The following TOPBP1 variants were observed in gnomAD, a reference collection of about 807,000 sequenced individuals.
TOPBP1 encodes the protein DNA topoisomerase 2-binding protein 1.
Under a neutral mutation model 167.7 loss-of-function variants are expected in TOPBP1, and 28 were observed. The observed-to-expected ratio is 0.17, with a 90% CI of 0.12 to 0.23. The LOEUF is 0.23. Ranked by LOEUF, TOPBP1 falls within the 10% of genes least tolerant of loss-of-function variation. TOPBP1 has a pLI of 1.00. For missense variants in TOPBP1, 1,554 were observed against 1,809.6 expected, an observed-to-expected ratio of 0.86 and a Z score of 2.56; for synonymous variants, 598 against 611.4, an observed-to-expected ratio of 0.98 and a Z score of 0.32.
At chr3:133,638,191 T>C in intron 13 of TOPBP1, 29 bp from the exon 14 acceptor site, 1 of 1,601,622 alleles carries the variant, frequency 6.2e-7, no homozygotes, top group Non-Finnish European at 8.5e-7. Context: ...AAGAAACAAA[T>C]ATGAGCCACT....
chr3:133,652,962 G>A (rs1936353385), intron 7 of TOPBP1, among the ~76,000 whole-genome samples: 1 of 152,168 alleles, frequency 6.6e-6, no homozygotes, highest in South Asian at 2.1e-4. Context: ...CTACAAAATA[G>A]AAATGGTTTT....
chr3:133,644,774 G>C (rs938901655), intron 10 of TOPBP1, among the ~76,000 whole-genome samples: 3 of 152,190 alleles, frequency 2.0e-5, no homozygotes, highest in Admixed American at 6.5e-5. Context: ...TGTTAACATG[G>C]AAATAACTAT....
At chr3:133,611,215 G>A in intron 24 of TOPBP1, 74 bp from the exon 25 acceptor site, 1 of 1,388,134 alleles carries the variant, frequency 7.2e-7, no homozygotes, top group Non-Finnish European at 9.7e-7. Flanking sequence ...GGCTCCTCAA[G>A]GAGCCCAAAG....
At chr3:133,655,540 T>C (rs1159380192) in intron 5 of TOPBP1, 54 bp from the exon 6 acceptor site, 2 of 1,039,798 alleles carry the variant, frequency 1.9e-6, no homozygotes, top group Non-Finnish European at 1.3e-6. Context: ...AGAAGAATAA[T>C]GAAAAACAAC....
At chr3:133,608,216 A>G (rs1934553496) in intron 27 of TOPBP1, among the ~76,000 whole-genome samples, 1 of 152,198 alleles carries the variant, frequency 6.6e-6, no homozygotes, top group Non-Finnish European at 1.5e-5. Flanking sequence ...GGACCTTTGG[A>G]TAAATGTTTC....
At chr3:133,615,375 G>A (rs1360316050) in intron 23 of TOPBP1, among the ~76,000 whole-genome samples, 2 of 152,208 alleles carry the variant, frequency 1.3e-5, no homozygotes, top group African/African-American at 4.8e-5. Context: ...TACTTGGGAA[G>A]CTGAGGCAGA....
chr3:133,651,045 T>C (rs1936276441), intron 8 of TOPBP1, among the ~76,000 whole-genome samples: 1 of 150,856 alleles, frequency 6.6e-6, no homozygotes, highest in Non-Finnish European at 1.5e-5. Context: ...TGCAGTGAGC[T>C]GAGATCACGC....
chr3:133,619,111 CAA>C (rs71136485), intron 20 of TOPBP1, among the ~76,000 whole-genome samples: 7 of 103,508 alleles, frequency 6.8e-5, no homozygotes, highest in Non-Finnish European at 8.0e-5. Context: ...TGTGGAGAAG[CAA>C]AAAAAAAAAA....
chr3:133,636,081 T>C (rs1304553062), intron 14 of TOPBP1, among the ~76,000 whole-genome samples: 1 of 11,600 alleles, frequency 8.6e-5, no homozygotes, highest in African/African-American at 4.2e-4. Flanking sequence ...AAACTATAGT[T>C]ATTAGAAGTC....
intron 8 of TOPBP1, among the ~76,000 whole-genome samples, chr3:133,650,358 T>G (rs1366291599): frequency 1.2e-5 from 1 of 83,968 alleles, no homozygotes; most frequent in East Asian, 3.4e-4. Context: ...TTAAATTGTG[T>G]GTGTGTGGGG....
At chr3:133,603,962 T>G (rs1046494725) in intron 27 of TOPBP1, among the ~76,000 whole-genome samples, 8 of 151,744 alleles carry the variant, frequency 5.3e-5, no homozygotes, top group Non-Finnish European at 2.9e-5. Context: ...TTAAAAGAAT[T>G]AAAATTATAG....
rs546622898 is a variant in TOPBP1, at chr3:133,625,939, T to A, written c.2805-1764A>T. On this transcript the variant is annotated intron_variant, in intron 16 of 27. Coordinates refer to ENST00000260810, the MANE Select transcript of TOPBP1 (RefSeq NM_007027.4). ...ATAATTCAGAAAAACAGAGGAGTAT[T>A]TTTGCCTGAATCAATTTGGTTTACC... 7.2e-5 allele frequency among the ~76,000 whole-genome samples: 11 copies of A among 152,318 alleles called. No individual in the cohort carries two copies. The East Asian group carries it at 7.7e-4, about 11-fold the overall frequency.
At chr3:133,638,684 A>C (rs1352923094) in intron 13 of TOPBP1, among the ~76,000 whole-genome samples, 2 of 152,216 alleles carry the variant, frequency 1.3e-5, no homozygotes, top group Admixed American at 1.3e-4. Context: ...TGACTCTGAG[A>C]GGTATTCCCA....
chr3:133,633,318 T>C (rs2107800727), intron 14 of TOPBP1, among the ~76,000 whole-genome samples: 1 of 152,332 alleles, frequency 6.6e-6, no homozygotes, highest in Admixed American at 6.5e-5. Flanking sequence ...CTGGCCAATT[T>C]TCTATTCTCA....
intron 10 of TOPBP1, among the ~76,000 whole-genome samples, chr3:133,645,903 CTTTGGGAGGCTGA>C (rs1432956605): frequency 6.6e-6 from 1 of 152,086 alleles, no homozygotes; most frequent in East Asian, 1.9e-4. Flanking sequence ...AATCCCAGCA[CTTTGGGAGGCTGA>C]GGTGGGTGGA....
At chr3:133,615,390 T>C (rs533335766) in intron 23 of TOPBP1, among the ~76,000 whole-genome samples, 8 of 152,292 alleles carry the variant, frequency 5.3e-5, no homozygotes, top group Non-Finnish European at 7.4e-5. Flanking sequence ...GGCAGAAGAA[T>C]TGCTTGAGCC....
At position 133,611,026 on chromosome 3, in the gene TOPBP1, CTT is replaced by C; in HGVS notation, c.4149_4150del (p.Arg1384ThrfsTer7). ...TACCTCAACAATGCCAGATTCTTGT[CTT>C]TGCTGGATTTTTTTTCTCCATCTCA... On this transcript the variant is annotated frameshift_variant, in exon 25 of 28. Coordinates refer to ENST00000260810, the MANE Select transcript of TOPBP1 (RefSeq NM_007027.4). LOFTEE classifies it high-confidence loss of function. 1 of 1,612,480 alleles carries C rather than the reference CTT, an allele frequency of 6.2e-7. No individual in the cohort carries two copies. The highest frequency in any genetic ancestry group is 8.5e-7 in the Non-Finnish European group (1 of 1,179,018).
At chr3:133,626,412 G>GTT (rs1237303816) in intron 16 of TOPBP1, among the ~76,000 whole-genome samples, 7 of 152,146 alleles carry the variant, frequency 4.6e-5, no homozygotes, top group African/African-American at 1.4e-4. Flanking sequence ...CTGGGGAACA[G>GTT]TCATACATAT....
rs544306038 is a variant in TOPBP1, at chr3:133,632,535, GTCTT to G, written c.2521-3806_2521-3803del. Among the ~76,000 whole-genome samples, 4 of 152,286 alleles carry G rather than the reference GTCTT, an allele frequency of 2.6e-5. No individual in the cohort carries two copies. In the South Asian group the frequency reaches 8.3e-4, roughly 32 times the overall value. On this transcript the variant is annotated intron_variant, in intron 14 of 27. Transcript: ENST00000260810. ...AATCTATTTTGCAAGAACATGGTAA[GTCTT>G]TCTATATGCTAAACTTTTTAAAATT...
Sources: gnomAD v4.1 joint callset for allele counts (sites outside exome capture counted in the v4.1 genomes callset) on GRCh38, gnomAD v4.1.1 for gene constraint, MANE v1.5 for transcripts, NCBI Gene and HGNC (gene_info 2026-07-23, HGNC 2026-07-21) for gene names.